CFAP107: variants seen among roughly 807,000 people sequenced by gnomAD.
CFAP107 encodes the protein cilia- and flagella-associated protein 107.
chr1:12,760,107 A>C, the CFAP107 span, among the ~76,000 whole-genome samples: 1 of 152,024 alleles, frequency 6.6e-6, no homozygotes, highest in African/African-American at 2.4e-5. Flanking sequence ...ACAGGGATTG[A>C]GGGGGAGGAC....
At chr1:12,759,679 G>C in the CFAP107 span, 41 of 694,582 alleles carry the variant, frequency 5.9e-5, 1 homozygote, top group East Asian at 1.0e-3. Flanking sequence ...TTGACCTGGG[G>C]TAATCTTGGC....
At chr1:12,756,369 C>G in the CFAP107 span, among the ~76,000 whole-genome samples, 1 of 152,212 alleles carries the variant, frequency 6.6e-6, no homozygotes, top group Non-Finnish European at 1.5e-5. Context: ...CTATTATTAT[C>G]TTTAGCAATC....
the CFAP107 span, among the ~76,000 whole-genome samples, chr1:12,751,643 C>T: frequency 1.3e-5 from 2 of 151,582 alleles, no homozygotes; most frequent in Non-Finnish European, 2.9e-5. Context: ...AACAAGCAAG[C>T]AAACAAAGAG....
chr1:12,756,184 T>C, the CFAP107 span, among the ~76,000 whole-genome samples: 30 of 152,292 alleles, frequency 2.0e-4, no homozygotes, highest in African/African-American at 7.2e-4. Context: ...AACAGTGTTG[T>C]GTATTATCTG....
the CFAP107 span, chr1:12,746,312 G>A: frequency 1.5e-6 from 1 of 670,708 alleles, no homozygotes; most frequent in East Asian, 2.9e-5. Context: ...AGCCATTCAG[G>A]AGGCCAGCTG....
At chr1:12,747,281 C>T in the CFAP107 span, among the ~76,000 whole-genome samples, 2 of 152,044 alleles carry the variant, frequency 1.3e-5, no homozygotes, top group African/African-American at 2.4e-5. Flanking sequence ...GTTGGCCAGG[C>T]TGGTCTTGAA....
chr1:12,747,473 A>C, the CFAP107 span, among the ~76,000 whole-genome samples: 1 of 152,212 alleles, frequency 6.6e-6, no homozygotes, highest in African/African-American at 2.4e-5. Context: ...TCAAGTTGGC[A>C]TACTTGAAAT....
chr1:12,761,167 C>T, the CFAP107 span: 2 of 541,036 alleles, frequency 3.7e-6, no homozygotes, highest in Non-Finnish European at 6.5e-6. Context: ...ATCTTTGACA[C>T]TATTGCAGGG....
the CFAP107 span, among the ~76,000 whole-genome samples, chr1:12,752,467 C>T: frequency 6.7e-6 from 1 of 149,832 alleles, no homozygotes; most frequent in East Asian, 2.0e-4. Flanking sequence ...TGCCTGTAGT[C>T]CCAGCTTGAA....
the CFAP107 span, chr1:12,746,468 C>T: frequency 3.7e-6 from 6 of 1,613,806 alleles, no homozygotes; most frequent in South Asian, 6.6e-5. Context: ...CCACTCTCTA[C>T]TCCGAGCTGG....
chr1:12,755,782 T>A, the CFAP107 span: 1 of 1,613,556 alleles, frequency 6.2e-7, no homozygotes, highest in Non-Finnish European at 8.5e-7. Flanking sequence ...CCAGACCAGA[T>A]CTCCAGGTGG....
chr1:12,755,916 CAGG>C, the CFAP107 span: 3 of 751,906 alleles, frequency 4.0e-6, no homozygotes, highest in East Asian at 7.8e-5. Flanking sequence ...TGGGGGAAAT[CAGG>C]AGTAGTCTCA....
At chr1:12,748,121 T>A in the CFAP107 span, among the ~76,000 whole-genome samples, 1 of 152,206 alleles carries the variant, frequency 6.6e-6, no homozygotes, top group East Asian at 1.9e-4. Context: ...TTAGGGTAAG[T>A]GGCAGCTCGG....
chr1:12,748,954 G>A, the CFAP107 span, among the ~76,000 whole-genome samples: 1 of 152,152 alleles, frequency 6.6e-6, no homozygotes, highest in Non-Finnish European at 1.5e-5. Flanking sequence ...GAGGGATTCA[G>A]CAGCAGATTT....
chr1:12,757,280 G>A, the CFAP107 span, among the ~76,000 whole-genome samples: 2 of 151,732 alleles, frequency 1.3e-5, no homozygotes, highest in South Asian at 2.1e-4. Flanking sequence ...CCACCCCCCC[G>A]CATTGTCATC....
chr1:12,760,726 C>A, the CFAP107 span: 1 of 1,580,408 alleles, frequency 6.3e-7, no homozygotes, highest in Non-Finnish European at 8.6e-7. Flanking sequence ...GAGCAAGACT[C>A]CTTCTGTAAG....
At chr1:12,747,476 CTTGAAA>C in the CFAP107 span, among the ~76,000 whole-genome samples, 1 of 152,152 alleles carries the variant, frequency 6.6e-6, no homozygotes. Context: ...AGTTGGCATA[CTTGAAA>C]TTGAATATCT....
At chr1:12,755,724 C>A in the CFAP107 span, 1 of 1,613,584 alleles carries the variant, frequency 6.2e-7, no homozygotes, top group Non-Finnish European at 8.5e-7. Flanking sequence ...TGACAAGACA[C>A]CCCAATCCAT....
At chr1:12,755,518 G>T in the CFAP107 span, among the ~76,000 whole-genome samples, 1 of 152,300 alleles carries the variant, frequency 6.6e-6, no homozygotes, top group African/African-American at 2.4e-5. Flanking sequence ...CTCTTCCCGG[G>T]GGTGCCGGAT....
Sources: gnomAD v4.1 joint callset for allele counts (sites outside exome capture counted in the v4.1 genomes callset) on GRCh38, gnomAD v4.1.1 for gene constraint, MANE v1.5 for transcripts, NCBI Gene and HGNC (gene_info 2026-07-23, HGNC 2026-07-21) for gene names.